Variants in NISCH observed in about 807,000 individuals in gnomAD.
NISCH encodes the protein I-1 receptor candidate protein.
Under a neutral mutation model 138.4 loss-of-function variants are expected in NISCH, and 55 were observed. The observed-to-expected ratio is 0.40, with a 90% CI of 0.32 to 0.50. The LOEUF is 0.50. Among genes scored for constraint, NISCH ranks in the 20% least tolerant of loss-of-function variants. The probability of loss-of-function intolerance (pLI) is 0.71; values close to 1 mark genes in which losing one functional copy is unlikely to be tolerated. For synonymous variants in NISCH, 860 were observed against 861.5 expected, an observed-to-expected ratio of 1.00 and a Z score of 0.03; for missense variants, 1,643 against 2,005.5, an observed-to-expected ratio of 0.82 and a Z score of 3.45.
At chr3:52,463,714 C>CTT (rs71084184) in intron 3 of NISCH, among the ~76,000 whole-genome samples, 1,412 of 41,358 alleles carry the variant, frequency 0.034, 1 homozygote, top group Non-Finnish European at 0.037. Context: ...TATTGAACCT[C>CTT]TTTTTTTTTT....
rs62256878 is a variant in NISCH at position 52,487,731 on chromosome 3, C to G, written c.2239C>G (p.Arg747Gly). ...CTTCGAGATCCCGCACCAGGAGTCTCGGGGCAGCAGCCAGCACATCCTCTC... is the reference window on the plus strand; with the variant it reads ...CTTCGAGATCCCGCACCAGGAGTCTGGGGGCAGCAGCCAGCACATCCTCTC... ...AVFEIPHQES[R>G]GSSQHILSSL... Residue 747 changes from arginine (R) to glycine (G), a missense_variant, in exon 16 of 21, where the codon CGG becomes GGG. Transcript: ENST00000345716. This position sits in a 1 kb window ranked among gnomAD's most constrained non-coding sequence, Gnocchi z 9.1. 2 of 1,613,614 alleles carry G rather than the reference C, an allele frequency of 1.2e-6. No homozygotes were observed. Among genetic ancestry groups the G allele is most frequent in the African/African-American group, 2.7e-5 (2 of 74,888 alleles).
chr3:52,485,966 A>G (rs1707392016), intron 15 of NISCH, 139 bp downstream of exon 15: 1 of 737,506 alleles, frequency 1.4e-6, no homozygotes, highest in South Asian at 1.7e-5. Flanking sequence ...CTTCCTCTAA[A>G]GAGACACAGA....
At position 52,492,219 on chromosome 3, in the gene NISCH, C is replaced by T. The variant is rs376926446; in HGVS notation, c.4252C>T (p.Arg1418Ter). Residue 1418 changes from arginine (R) to a stop codon, truncating the protein, a stop_gained, in exon 21 of 21, where the codon CGA (arginine) becomes TGA (stop). Transcript: ENST00000345716. LOFTEE classifies it high-confidence loss of function. ...TGGCCGCCGCGTCCGGGACCTGGAC[C>T]GAGTGCTCATGGGCTACCAGACCTA... Reference protein sequence around the residue: ...DDGRRVRDLDRVLMGYQTYPQ... With the variant: ...DDGRRVRDLD 3.1e-6 allele frequency: 5 copies of T among 1,613,012 alleles called. No homozygotes were observed. Among genetic ancestry groups the T allele is most frequent in the African/African-American group, 1.3e-5 (1 of 74,944 alleles).
chr3:52,486,851 C>T lies in NISCH; in HGVS notation c.1704-345C>T, dbSNP rs143380194. Among the ~76,000 whole-genome samples the T allele has an allele frequency of 9.5e-3, 1,442 of 152,328 alleles. 14 individuals are homozygous for T. Among genetic ancestry groups the T allele is most frequent in the Middle Eastern group, 0.017 (5 of 294 alleles). On this transcript the variant is annotated intron_variant, in intron 15 of 20. Coordinates refer to ENST00000345716, the MANE Select transcript of NISCH (RefSeq NM_007184.4). ...AAGTAGATTCATGCCCTGGAGTGTT[C>T]CTTCTCTCCGGGGCTTATGGCAGCA...
intron 14 of NISCH, among the ~76,000 whole-genome samples, chr3:52,485,446 A>G (rs1327784067): frequency 6.6e-6 from 1 of 152,212 alleles, no homozygotes; most frequent in Non-Finnish European, 1.5e-5. Flanking sequence ...GGGTCGGACC[A>G]AATTTGTAGA....
At chr3:52,486,270 C>T (rs923919621) in intron 15 of NISCH, among the ~76,000 whole-genome samples, 2 of 152,060 alleles carry the variant, frequency 1.3e-5, no homozygotes, top group Non-Finnish European at 2.9e-5. Context: ...CGCACGCCAC[C>T]ACGCCCAACT....
intron 3 of NISCH, among the ~76,000 whole-genome samples, chr3:52,460,915 A>G (rs892877622): frequency 3.3e-5 from 5 of 151,162 alleles, no homozygotes; most frequent in African/African-American, 1.2e-4. Flanking sequence ...CCTGTGGATT[A>G]TGGTCCTAAA....
At chr3:52,472,502 G>A (rs547824177) in intron 6 of NISCH, 104 bp downstream of exon 6, 18 of 1,027,436 alleles carry the variant, frequency 1.8e-5, no homozygotes, top group East Asian at 1.7e-4. Context: ...CTGTGCTTTC[G>A]TGTTTGGCAG....
At position 52,487,558 on chromosome 3, in the gene NISCH, C is replaced by T; in HGVS notation, c.2066C>T (p.Ala689Val). 1 of 1,611,302 alleles carries T rather than the reference C, an allele frequency of 6.2e-7. No individual in the cohort carries two copies. Among genetic ancestry groups the T allele is most frequent in the East Asian group, 2.2e-5 (1 of 44,820 alleles). ...GAAGAGGCCGAGGAGGAGCGCCTGG[C>T]TCTGGAATGGGCCCTGGGCGCGGAC... Reference protein sequence around the residue: ...EDEEAEEERLALEWALGADED... With the variant: ...EDEEAEEERLVLEWALGADED... Residue 689 changes from alanine (A) to valine (V), a missense_variant, in exon 16 of 21, where the codon GCT becomes GTT. Ala to Val is a moderately conservative substitution (Grantham distance 64). Transcript: ENST00000345716. The surrounding 1 kb of genome is among the most constrained non-coding windows in gnomAD (Gnocchi z 9.1).
At chr3:52,482,098 T>A (rs1165613163) in intron 13 of NISCH, among the ~76,000 whole-genome samples, 2 of 152,226 alleles carry the variant, frequency 1.3e-5, no homozygotes, top group East Asian at 3.9e-4. Context: ...CAAACAGGGC[T>A]TGTGGGAGGT....
At chr3:52,464,514 T>C (rs1437539932) in intron 3 of NISCH, among the ~76,000 whole-genome samples, 1 of 132,898 alleles carries the variant, frequency 7.5e-6, no homozygotes, top group Non-Finnish European at 1.6e-5. Context: ...TTCTGTGAGT[T>C]GTCTTTTTTT....
At chr3:52,480,771 G>T (rs1032197704) in intron 13 of NISCH, 1 of 1,445,726 alleles carries the variant, frequency 6.9e-7, no homozygotes, top group Non-Finnish European at 9.1e-7. Flanking sequence ...CACCATGTTT[G>T]TGGGGCCAAG....
rs771522903 is a variant in NISCH at position 52,487,250 on chromosome 3, C to T, written c.1758C>T (p.Ile586=). 6.2e-6 allele frequency: 10 copies of T among 1,614,054 alleles called. No individual in the cohort carries two copies. In the East Asian group the frequency reaches 2.2e-4, roughly 36 times the overall value. The change falls in exon 16 of 21, where the codon ATC becomes ATT. Residue 586 remains isoleucine (I), a synonymous_variant. Transcript: ENST00000345716. This position sits in a 1 kb window ranked among gnomAD's most constrained non-coding sequence, Gnocchi z 9.1. ...VQVVPGSGQI[I]FLPFTCIGYT... ...TGGTGCCGGGGTCTGGCCAGATCAT[C>T]TTCCTGCCCTTCACCTGCATTGGCT...
intron 11 of NISCH, among the ~76,000 whole-genome samples, chr3:52,478,870 CTG>C (rs1223036176): frequency 6.6e-6 from 1 of 152,194 alleles, no homozygotes; most frequent in Non-Finnish European, 1.5e-5. Flanking sequence ...TAGTGCCTGA[CTG>C]TAAACCCAAA....
At chr3:52,491,696 C>A in intron 20 of NISCH, 176 bp from the exon 21 acceptor site, 1 of 1,055,318 alleles carries the variant, frequency 9.5e-7, no homozygotes, top group Non-Finnish European at 1.4e-6. Context: ...CCTCAACCAT[C>A]TGGCAGACAC....
intron 11 of NISCH, 41 bp from the exon 12 acceptor site, chr3:52,479,688 GTCCCCATGCTGATAGCCATC>G: frequency 8.4e-7 from 1 of 1,196,052 alleles, no homozygotes; most frequent in Non-Finnish European, 1.2e-6. Flanking sequence ...GCCATCACCA[GTCCCCATGCTGATAGCCATC>G]ACCAGTCCCC....
chr3:52,484,315 G>GCAGT, intron 13 of NISCH, 198 bp from the exon 14 acceptor site: 1 of 546,112 alleles, frequency 1.8e-6, no homozygotes, highest in Non-Finnish European at 3.3e-6. Context: ...GATTAGATAA[G>GCAGT]CAGTCATTTG....
chr3:52,473,715 C>T lies in NISCH; in HGVS notation c.670-19C>T. 4 of 1,540,456 alleles carry T rather than the reference C, an allele frequency of 2.6e-6. No individual in the cohort carries two copies. The highest frequency in any genetic ancestry group is 2.7e-6 in the Non-Finnish European group (3 of 1,118,422). On this transcript the variant is annotated intron_variant, in intron 6 of 20. Transcript: ENST00000345716. ...GAGCAAGGATTCTGTTTCTGAGATG[C>T]AGCTGTTCTTTGTTCCAGATAAGTC...
intron 3 of NISCH, among the ~76,000 whole-genome samples, chr3:52,460,907 T>G (rs1706613282): frequency 1.3e-5 from 2 of 152,174 alleles, no homozygotes; most frequent in Non-Finnish European, 2.9e-5. Flanking sequence ...TGAAGTAACC[T>G]GTGGATTATG....
Sources: gnomAD v4.1 joint callset for allele counts (sites outside exome capture counted in the v4.1 genomes callset) on GRCh38, gnomAD v4.1.1 for gene constraint, Gnocchi (gnomAD v3.1) non-coding constraint, MANE v1.5 for transcripts, NCBI Gene and HGNC (gene_info 2026-07-23, HGNC 2026-07-21) for gene names.